ASIC2: variants seen among roughly 807,000 people sequenced by gnomAD.
ASIC2 encodes acid-sensing ion channel 2.
Under a neutral mutation model 57.3 loss-of-function variants are expected in ASIC2, and 25 were observed. The ratio of observed to expected loss-of-function variants is 0.44; its 90% CI spans 0.32 to 0.61. The LOEUF is 0.61. Ranked by LOEUF, ASIC2 falls within the 20% of genes least tolerant of loss-of-function variation. ASIC2 has a pLI of 0.06. For synonymous variants in ASIC2, 319 were observed against 307.5 expected (o/e 1.04, Z -0.39); for missense variants, 641 against 738.1 (o/e 0.87, Z 1.52).
intron 1 of ASIC2, among the ~76,000 whole-genome samples, chr17:34,085,630 T>C (rs1910086379): frequency 6.6e-6 from 1 of 152,176 alleles, no homozygotes; most frequent in African/African-American, 2.4e-5. Context: ...TTCCTCCTTG[T>C]ACCTCTGGTA....
intron 1 of ASIC2, among the ~76,000 whole-genome samples, chr17:33,735,926 G>T (rs1909896876): frequency 6.6e-6 from 1 of 151,868 alleles, no homozygotes. Context: ...ATTTTCCTTT[G>T]GCATGAATGA....
intron 1 of ASIC2, among the ~76,000 whole-genome samples, chr17:33,992,618 T>C (rs1386256415): frequency 6.6e-6 from 1 of 152,222 alleles, no homozygotes; most frequent in African/African-American, 2.4e-5. Context: ...ATTACCTGCA[T>C]TTCTTCCAAA....
chr17:34,088,243 T>C (rs1910185029), intron 1 of ASIC2, among the ~76,000 whole-genome samples: 1 of 152,194 alleles, frequency 6.6e-6, no homozygotes, highest in Non-Finnish European at 1.5e-5. Context: ...TTCTGTTTGT[T>C]AGTTTTCCTT....
chr17:33,102,691 T>C (rs1597578570), intron 2 of ASIC2, among the ~76,000 whole-genome samples: 1 of 152,254 alleles, frequency 6.6e-6, no homozygotes, highest in Non-Finnish European at 1.5e-5. Flanking sequence ...TCTTTTTGTT[T>C]AACCTTTTCG....
chr17:33,015,143 G>C (rs1447831426), intron 9 of ASIC2, among the ~76,000 whole-genome samples: 1 of 152,190 alleles, frequency 6.6e-6, no homozygotes, highest in Non-Finnish European at 1.5e-5. Context: ...TCCATATAGG[G>C]AGAAGGGGCT....
At chr17:33,956,721 C>T (rs1487019519) in intron 1 of ASIC2, among the ~76,000 whole-genome samples, 1 of 152,238 alleles carries the variant, frequency 6.6e-6, no homozygotes, top group Non-Finnish European at 1.5e-5. Flanking sequence ...CCTGCCCCTA[C>T]CCCAGAATGC....
intron 1 of ASIC2, among the ~76,000 whole-genome samples, chr17:33,418,381 C>T (rs945225095): frequency 6.6e-6 from 1 of 152,176 alleles, no homozygotes; most frequent in Admixed American, 6.5e-5. Context: ...AAAAAAATCC[C>T]ATTTGTCAAT....
chr17:33,669,798 T>G (rs547323577), intron 1 of ASIC2, among the ~76,000 whole-genome samples: 2 of 152,328 alleles, frequency 1.3e-5, no homozygotes, highest in South Asian at 4.1e-4. Context: ...CCTCCTGTTT[T>G]GTTTGTTCAT....
intron 1 of ASIC2, among the ~76,000 whole-genome samples, chr17:33,850,828 T>G (rs317404): frequency 0.3 from 45,866 of 151,502 alleles, 7,310 homozygotes; most frequent in East Asian, 0.49. Context: ...TTTCCTGGCA[T>G]TTGGGGCTTG....
chr17:33,556,693 G>A (rs1915918870), intron 1 of ASIC2, among the ~76,000 whole-genome samples: 1 of 152,148 alleles, frequency 6.6e-6, no homozygotes, highest in Non-Finnish European at 1.5e-5. Context: ...CATCTTTGAG[G>A]GAAGAACTTT....
At chr17:33,641,809 C>A (rs190242534) in intron 1 of ASIC2, among the ~76,000 whole-genome samples, 4 of 152,108 alleles carry the variant, frequency 2.6e-5, no homozygotes, top group Admixed American at 6.6e-5. Flanking sequence ...GCACCAATTG[C>A]GTGGTCTGTA....
chr17:33,599,042 C>T (rs1905056648), intron 1 of ASIC2, among the ~76,000 whole-genome samples: 1 of 152,208 alleles, frequency 6.6e-6, no homozygotes, highest in Non-Finnish European at 1.5e-5. Context: ...CCCATCTTCT[C>T]CACAGGGTGG....
At chr17:33,407,403 T>C (rs569116657) in intron 1 of ASIC2, among the ~76,000 whole-genome samples, 20 of 152,372 alleles carry the variant, frequency 1.3e-4, no homozygotes, top group African/African-American at 4.8e-4. Context: ...TGTTATTAAC[T>C]GTGTAGTATC....
At chr17:33,109,546 G>GCAA (rs1471545341) in intron 2 of ASIC2, among the ~76,000 whole-genome samples, 1 of 152,174 alleles carries the variant, frequency 6.6e-6, no homozygotes, top group Non-Finnish European at 1.5e-5. Flanking sequence ...ACTCTCAGCA[G>GCAA]CAACGAGACT....
At chr17:33,911,931 G>A (rs539450874) in intron 1 of ASIC2, among the ~76,000 whole-genome samples, 34 of 151,882 alleles carry the variant, frequency 2.2e-4, no homozygotes, top group South Asian at 1.5e-3. Context: ...ACCTGAGGTC[G>A]GGAGTTCGAG....
At chr17:33,356,961 A>C (rs1908403926) in intron 1 of ASIC2, among the ~76,000 whole-genome samples, 1 of 1,834 alleles carries the variant, frequency 5.5e-4, no homozygotes. Flanking sequence ...ATCTTCCAAC[A>C]GGGAACAGCT....
chr17:33,993,207 A>G (rs965091602), intron 1 of ASIC2, among the ~76,000 whole-genome samples: 1 of 152,232 alleles, frequency 6.6e-6, no homozygotes, highest in Admixed American at 6.5e-5. Flanking sequence ...ATATAATTTC[A>G]TTGGTAGATT....
intron 1 of ASIC2, among the ~76,000 whole-genome samples, chr17:33,571,510 C>T (rs1053751149): frequency 5.9e-5 from 9 of 152,308 alleles, no homozygotes; most frequent in East Asian, 1.9e-4. Flanking sequence ...CAGCCTCAAA[C>T]CCATTGATAA....
chr17:34,104,480 G>A (rs1910972954), intron 1 of ASIC2, among the ~76,000 whole-genome samples: 1 of 152,080 alleles, frequency 6.6e-6, no homozygotes, highest in Admixed American at 6.6e-5. Flanking sequence ...TATTGAACAA[G>A]CTAGAGCCTT....
Sources: allele counts gnomAD v4.1 joint callset (sites outside exome capture counted in the v4.1 genomes callset), GRCh38; gene constraint gnomAD v4.1.1; transcripts MANE v1.5; gene names NCBI Gene and HGNC (gene_info 2026-07-23, HGNC 2026-07-21).